Variants in PALM2AKAP2 observed in about 807,000 individuals in gnomAD.
PALM2AKAP2 encodes the protein PALM2-AKAP2 fusion protein.
In PALM2AKAP2, 37 loss-of-function variants were observed where a neutral mutation model predicts 71.5. That is an observed-to-expected ratio of 0.52 (90% confidence interval 0.40 to 0.68). The LOEUF (loss-of-function observed/expected upper bound fraction) is 0.68. Among genes scored for constraint, PALM2AKAP2 ranks in the 30% least tolerant of loss-of-function variants. PALM2AKAP2 has a pLI of 0.00. For synonymous variants in PALM2AKAP2, 468 were observed against 478.8 expected, an observed-to-expected ratio of 0.98 and a Z score of 0.29; for missense variants, 1,224 against 1,191.8, an observed-to-expected ratio of 1.03 and a Z score of -0.40.
In PALM2AKAP2 at chr9:109,861,086, G is replaced by A. The variant is rs994721569; in HGVS notation, c.46-6405G>A. On this transcript the variant is annotated intron_variant, in intron 1 of 9. Coordinates refer to the PALM2AKAP2 transcript ENST00000302798. ...GGTCCCTTCCCACTGCTGTGCCCTG[G>A]GGCGCGAGGTATCAGCGCAAGCTAG... 7.2e-5 allele frequency among the ~76,000 whole-genome samples: 11 copies of A among 152,184 alleles called. No individual in the cohort carries two copies. In the East Asian group the frequency reaches 2.1e-3, roughly 29 times the overall value.
At chr9:109,696,843 G>T (rs573206953) in intron 1 of PALM2AKAP2, among the ~76,000 whole-genome samples, 1 of 151,974 alleles carries the variant, frequency 6.6e-6, no homozygotes, top group Admixed American at 6.5e-5. Flanking sequence ...TTATCCAGAC[G>T]ACCATTTCTT....
At chr9:110,102,704 A>C (rs1180525603) in intron 1 of PALM2AKAP2, among the ~76,000 whole-genome samples, 1 of 152,014 alleles carries the variant, frequency 6.6e-6, no homozygotes, top group East Asian at 1.9e-4. Flanking sequence ...CCAGCAAGTC[A>C]CTATTAGGAC....
chr9:110,073,706 C>T (rs1317179584), intron 1 of PALM2AKAP2, among the ~76,000 whole-genome samples: 1 of 152,122 alleles, frequency 6.6e-6, no homozygotes, highest in South Asian at 2.1e-4. Flanking sequence ...ACTGCAGTGT[C>T]TACATTATGG....
chr9:110,153,448 T>G (rs1187249791), intron 2 of PALM2AKAP2, among the ~76,000 whole-genome samples: 1 of 152,224 alleles, frequency 6.6e-6, no homozygotes, highest in South Asian at 2.1e-4. Flanking sequence ...ATAAATCCGC[T>G]TGTTACTCCA....
chr9:110,131,890 G>A (rs1220098431), intron 1 of PALM2AKAP2, among the ~76,000 whole-genome samples: 2 of 152,142 alleles, frequency 1.3e-5, no homozygotes, highest in South Asian at 2.1e-4. Context: ...AAGGGGGACT[G>A]GATGCCATAT....
intron 1 of PALM2AKAP2, among the ~76,000 whole-genome samples, chr9:109,861,351 G>A (rs9299174): frequency 0.17 from 26,280 of 152,136 alleles, 2,438 homozygotes; most frequent in South Asian, 0.23. Context: ...TGCTTGCCAT[G>A]TCTGTCTTCT....
intron 6 of PALM2AKAP2, chr9:109,945,648 C>T (rs963385944): frequency 6.6e-6 from 1 of 152,236 alleles, no homozygotes; most frequent in African/African-American, 2.4e-5. Flanking sequence ...ATCTTTTCTA[C>T]TCACTTGGAG....
intron 6 of PALM2AKAP2, among the ~76,000 whole-genome samples, chr9:110,007,932 G>A (rs1439735011): frequency 6.6e-6 from 1 of 152,206 alleles, no homozygotes; most frequent in Non-Finnish European, 1.5e-5. Flanking sequence ...AGGCCTGTCT[G>A]TCTAGATTCT....
chr9:110,152,201 C>T (rs535421116), intron 2 of PALM2AKAP2, among the ~76,000 whole-genome samples: 2 of 151,696 alleles, frequency 1.3e-5, no homozygotes, highest in East Asian at 3.9e-4. Flanking sequence ...CACTGCACTC[C>T]AGCCTGGGCA....
chr9:110,042,289 G>C (rs905611950), intron 7 of PALM2AKAP2, among the ~76,000 whole-genome samples: 11 of 152,174 alleles, frequency 7.2e-5, no homozygotes, highest in African/African-American at 2.7e-4. Context: ...AGCTGGGCAT[G>C]GTGGTGTGTG....
intron 1 of PALM2AKAP2, among the ~76,000 whole-genome samples, chr9:109,647,627 G>A (rs12346145): frequency 0.084 from 12,768 of 152,068 alleles, 642 homozygotes; most frequent in East Asian, 0.23. Context: ...ATTCATATTT[G>A]AATATTTATG....
At chr9:109,944,072 T>G (rs1171389130) in intron 6 of PALM2AKAP2, 1 of 152,668 alleles carries the variant, frequency 6.6e-6, no homozygotes, top group Non-Finnish European at 1.5e-5. Context: ...ACAGCTGAAA[T>G]GTAGGGACTG....
At chr9:109,831,817 A>C (rs1200007839) in intron 1 of PALM2AKAP2, among the ~76,000 whole-genome samples, 1 of 152,144 alleles carries the variant, frequency 6.6e-6, no homozygotes, top group Non-Finnish European at 1.5e-5. Flanking sequence ...TGATTGCTGC[A>C]TTAGTCCCTT....
At chr9:109,796,168 T>A (rs1827246664) in intron 1 of PALM2AKAP2, among the ~76,000 whole-genome samples, 1 of 152,210 alleles carries the variant, frequency 6.6e-6, no homozygotes, top group Non-Finnish European at 1.5e-5. Flanking sequence ...TTCAGAATAG[T>A]GCTTAAATGC....
chr9:109,984,522 A>T (rs1039602781), intron 6 of PALM2AKAP2, among the ~76,000 whole-genome samples: 137 of 143,194 alleles, frequency 9.6e-4, no homozygotes, highest in African/African-American at 3.4e-3. Context: ...AAAAGAATTA[A>T]AAAAAAAAAG....
At chr9:109,806,151 G>C (rs1827567171) in intron 1 of PALM2AKAP2, among the ~76,000 whole-genome samples, 1 of 152,208 alleles carries the variant, frequency 6.6e-6, no homozygotes, top group African/African-American at 2.4e-5. Flanking sequence ...TGTTCCTTAT[G>C]TAAAAGGTGG....
chr9:109,770,143 C>G (rs1376545944), intron 1 of PALM2AKAP2, among the ~76,000 whole-genome samples: 1 of 152,128 alleles, frequency 6.6e-6, no homozygotes, highest in East Asian at 1.9e-4. Flanking sequence ...TGGGCTGGGT[C>G]GGAGTTGGCC....
At chr9:110,155,490 G>C (rs1237340315) in intron 2 of PALM2AKAP2, among the ~76,000 whole-genome samples, 2 of 152,206 alleles carry the variant, frequency 1.3e-5, no homozygotes, top group Non-Finnish European at 2.9e-5. Flanking sequence ...TGGTCTTGGT[G>C]AGGGTGCGTA....
chr9:109,684,129 T>G (rs981920118), intron 1 of PALM2AKAP2, among the ~76,000 whole-genome samples: 6 of 152,164 alleles, frequency 3.9e-5, no homozygotes, highest in Non-Finnish European at 7.4e-5. Context: ...ATGGCATATG[T>G]GCTGTTGCTT....
Sources: allele counts gnomAD v4.1 joint callset (sites outside exome capture counted in the v4.1 genomes callset), GRCh38; gene constraint gnomAD v4.1.1; transcripts MANE v1.5; gene names NCBI Gene and HGNC (gene_info 2026-07-23, HGNC 2026-07-21).